Variants in DMD observed in about 807,000 individuals in gnomAD.
The protein encoded by DMD is mutant dystrophin.
In DMD, 63 loss-of-function variants were observed where a neutral mutation model predicts 330.1. That is an observed-to-expected ratio of 0.19 (90% confidence interval 0.16 to 0.24). The LOEUF (loss-of-function observed/expected upper bound fraction) is 0.24. DMD is among the 10% of genes least tolerant of loss of function. The pLI is 1.00. For missense variants in DMD, 3,344 were observed against 2,684.1 expected, an observed-to-expected ratio of 1.25 and a Z score of -5.43; for synonymous variants, 1,223 against 959.8, an observed-to-expected ratio of 1.27 and a Z score of -5.07.
At chrX:32,783,221 C>CGTGTATACGTATATACACATATGT (rs1232597420) in intron 7 of DMD, among the ~76,000 whole-genome samples, 55 of 94,696 alleles carry the variant, frequency 5.8e-4, no homozygotes, top group African/African-American at 2.0e-3. Flanking sequence ...TGTGTATATA[C>CGTGTATACGTATATACACATATGT]GTGTATACGT....
At chrX:31,296,514 G>C (rs1160962832) in intron 62 of DMD, among the ~76,000 whole-genome samples, 1 of 111,702 alleles carries the variant, frequency 9.0e-6, no homozygotes, top group Non-Finnish European at 1.9e-5. Flanking sequence ...GAGGAAACGT[G>C]CTTACTGCTC....
At chrX:32,555,319 T>C (rs1195540074) in intron 16 of DMD, among the ~76,000 whole-genome samples, 1 of 111,268 alleles carries the variant, frequency 9.0e-6, no homozygotes, top group Non-Finnish European at 1.9e-5. Flanking sequence ...ATAAGAGCCA[T>C]AAATTATAAA....
intron 60 of DMD, among the ~76,000 whole-genome samples, chrX:31,367,066 T>C (rs1342262776): frequency 5.4e-5 from 6 of 111,315 alleles, no homozygotes; most frequent in Non-Finnish European, 1.1e-4. Flanking sequence ...CAAAAGCACT[T>C]TAGAAGGATG....
At chrX:33,186,401 G>A (rs1447136118) in intron 1 of DMD, among the ~76,000 whole-genome samples, 1 of 111,509 alleles carries the variant, frequency 9.0e-6, no homozygotes, top group African/African-American at 3.3e-5. Flanking sequence ...ATGGGAATAG[G>A]CCAGCAGAGT....
intron 1 of DMD, among the ~76,000 whole-genome samples, chrX:33,091,543 T>C (rs2095085552): frequency 8.9e-6 from 1 of 112,296 alleles, no homozygotes; most frequent in South Asian, 3.7e-4. Flanking sequence ...ATAACCTCTA[T>C]ACATAGAAAG....
intron 44 of DMD, among the ~76,000 whole-genome samples, chrX:31,977,419 G>A (rs899545599): frequency 9.0e-6 from 1 of 110,993 alleles, no homozygotes; most frequent in Admixed American, 9.6e-5. Context: ...AGGCTCTTGA[G>A]AATGGGAAGG....
intron 44 of DMD, among the ~76,000 whole-genome samples, chrX:32,049,712 A>G (rs754617782): frequency 9.8e-5 from 11 of 111,698 alleles, no homozygotes; most frequent in Admixed American, 7.6e-4. Context: ...TACCTCCTCT[A>G]GTATAAGGAC....
chrX:32,859,662 A>C (rs2081926996), intron 2 of DMD, among the ~76,000 whole-genome samples: 2 of 111,718 alleles, frequency 1.8e-5, no homozygotes, highest in Admixed American at 9.5e-5. Flanking sequence ...TGGTGAATGC[A>C]GATGGTACAG....
At chrX:31,376,764 T>C (rs1284502119) in intron 60 of DMD, among the ~76,000 whole-genome samples, 3 of 112,056 alleles carry the variant, frequency 2.7e-5, no homozygotes, top group African/African-American at 9.7e-5. Flanking sequence ...CCTAAGCCAG[T>C]GGTTGTTTCT....
chrX:31,370,663 T>G (rs990815277), intron 60 of DMD, among the ~76,000 whole-genome samples: 2 of 112,409 alleles, frequency 1.8e-5, no homozygotes, highest in African/African-American at 6.5e-5. Flanking sequence ...CCATATGACC[T>G]AACAATTGCA....
intron 64 of DMD, among the ~76,000 whole-genome samples, chrX:31,216,246 C>T (rs757376885): frequency 9.8e-5 from 11 of 112,469 alleles, no homozygotes; most frequent in Non-Finnish European, 2.1e-4. Flanking sequence ...AGGTTGATAG[C>T]TGGAGAATGG....
intron 27 of DMD, 126 bp downstream of exon 27, chrX:32,448,330 T>A (rs1371082357): frequency 6.9e-6 from 5 of 719,738 alleles, no homozygotes; most frequent in African/African-American, 6.4e-5. Flanking sequence ...ATACAACTTA[T>A]AAGTGCCTGA....
At chrX:32,889,792 C>G (rs1414494765) in intron 2 of DMD, among the ~76,000 whole-genome samples, 3 of 111,052 alleles carry the variant, frequency 2.7e-5, no homozygotes, top group African/African-American at 9.8e-5. Flanking sequence ...TGGCTGACTC[C>G]TTTTTCAGAC....
At chrX:32,004,633 T>G (rs2095649011) in intron 44 of DMD, among the ~76,000 whole-genome samples, 1 of 111,351 alleles carries the variant, frequency 9.0e-6, no homozygotes, top group South Asian at 3.7e-4. Context: ...TCCATCAGAG[T>G]TGTCTCTTTT....
intron 11 of DMD, among the ~76,000 whole-genome samples, chrX:32,639,197 T>C (rs2059290578): frequency 1.8e-5 from 2 of 112,177 alleles, no homozygotes; most frequent in South Asian, 7.3e-4. Context: ...AAAATGTCAG[T>C]AAATCTTTTT....
intron 67 of DMD, among the ~76,000 whole-genome samples, chrX:31,199,838 A>T (rs1021937360): frequency 7.1e-5 from 8 of 112,281 alleles, no homozygotes; most frequent in Non-Finnish European, 1.1e-4. Flanking sequence ...CTTTGAGCAC[A>T]AGCTTGCTGA....
intron 1 of DMD, among the ~76,000 whole-genome samples, chrX:33,177,162 A>G (rs1444686017): frequency 1.8e-5 from 2 of 110,904 alleles, no homozygotes; most frequent in Non-Finnish European, 3.8e-5. Context: ...AACTGACCTG[A>G]GGTGGGGCAC....
intron 57 of DMD, among the ~76,000 whole-genome samples, chrX:31,492,307 G>A (rs970320353): frequency 6.3e-5 from 7 of 111,849 alleles, no homozygotes; most frequent in African/African-American, 2.3e-4. Flanking sequence ...GATCTGATAC[G>A]CAGATCCAGT....
Position 31,421,916 on chromosome X carries a change from T to C in DMD, c.9084+22565A>G, listed in dbSNP as rs868868758. ...ATATATATATACACACACACACACA[T>C]ATATATATATATATATACACACACA... On this transcript the variant is annotated intron_variant, in intron 60 of 78. Coordinates refer to ENST00000357033, the MANE Select transcript of DMD (RefSeq NM_004006.3). Among the ~76,000 whole-genome samples the C allele has an allele frequency of 8.8e-3, 545 of 62,114 alleles. 1 individual carries two copies. Among genetic ancestry groups the C allele is most frequent in the African/African-American group, 0.01 (105 of 10,131 alleles). The allele number at this position is 62,114 out of a possible 115,157, so 53.9% of individuals were successfully genotyped here.
Sources: gnomAD v4.1 joint callset for allele counts (sites outside exome capture counted in the v4.1 genomes callset) on GRCh38, gnomAD v4.1.1 for gene constraint, MANE v1.5 for transcripts, NCBI Gene and HGNC (gene_info 2026-07-23, HGNC 2026-07-21) for gene names.